The following XAB2 variants were observed in gnomAD, a reference collection of about 807,000 sequenced individuals.
XAB2 encodes the protein pre-mRNA-splicing factor SYF1.
Under a neutral mutation model 113.4 loss-of-function variants are expected in XAB2, and 57 were observed. The observed-to-expected ratio is 0.50, with a 90% CI of 0.41 to 0.63. The LOEUF (loss-of-function observed/expected upper bound fraction) is 0.63. XAB2 is among the 20% of genes least tolerant of loss of function. The probability of loss-of-function intolerance (pLI) is 0.00; values close to 1 mark genes in which losing one functional copy is unlikely to be tolerated. For missense variants in XAB2, 1,037 were observed against 1,233.3 expected (o/e 0.84, Z 2.38); for synonymous variants, 497 against 498.8 (o/e 1.00, Z 0.05).
chr19:7,622,830 C>T lies in XAB2; in HGVS notation c.1303G>A (p.Val435Met), dbSNP rs757943883. 49 of 1,613,950 alleles carry T rather than the reference C, an allele frequency of 3.0e-5. No individual in the cohort carries two copies. Among genetic ancestry groups the T allele is most frequent in the South Asian group, 8.8e-5 (8 of 91,076 alleles). ...NFKQVDDLASVWCQCGELELR... is the reference protein window; with the variant it reads ...NFKQVDDLASMWCQCGELELR... ...TCCAGCTCTCCGCACTGACACCACA[C>T]GCTTGCCAGGTCATCCACCTGCTTG... The change falls in exon 10 of 19, where the codon GTG becomes ATG. Residue 435 changes from valine (V) to methionine (M), a missense_variant. By Grantham distance (21) the Val-to-Met change is conservative. Coordinates refer to ENST00000358368, the MANE Select transcript of XAB2 (RefSeq NM_020196.3).
Position 7,622,355 on chromosome 19 carries a change from G to A in XAB2, c.1593C>T (p.His531=). The change falls in exon 12 of 19, where the codon CAC becomes CAT. Residue 531 remains histidine, a synonymous_variant. Transcript: ENST00000358368. ...CCTTGAAGCTCTCCTCGAAGTACTT[G>A]TGCTCCTCCAGGAACATGGCATAGT... is the stretch of plus-strand genomic sequence containing the variant. ...VINYAMFLEE[H]KYFEESFKAY... The A allele has an allele frequency of 6.2e-7, 1 of 1,614,178 alleles. No homozygotes were observed. Among genetic ancestry groups the A allele is most frequent in the Non-Finnish European group, 8.5e-7 (1 of 1,180,046 alleles).
In XAB2 at chr19:7,626,247, C is replaced by T. The variant is rs779724868; in HGVS notation, c.546G>A (p.Glu182=). Reference sequence around the variant, plus strand: ...CACTTGACTTGAGGTACTCAATGTACTCCTCTGCACTCTCAGGACTCAGCT... The same window carrying T: ...CACTTGACTTGAGGTACTCAATGTATTCCTCTGCACTCTCAGGACTCAGCT... The part of the protein sequence containing the change: ...FLKLSPESAE[E]YIEYLKSSDR... The change falls in exon 5 of 19, where the codon GAG becomes GAA. Residue 182 remains glutamate (E), a synonymous_variant. Transcript: ENST00000358368. The T allele has an allele frequency of 7.4e-6, 12 of 1,612,658 alleles. No homozygotes were observed. In the South Asian group the frequency reaches 1.2e-4, roughly 16 times the overall value.
Position 7,627,212 on chromosome 19 carries a change from C to T in XAB2, c.522+31G>A. On this transcript the variant is annotated intron_variant, in intron 4 of 18. Coordinates refer to ENST00000358368, the MANE Select transcript of XAB2 (RefSeq NM_020196.3). The surrounding 1 kb of genome is among the most constrained non-coding windows in gnomAD (Gnocchi z 4.5). ...CAGTGAGGCCGTTTCTGGAAACTAA[C>T]CTGGGGAACCAGCGCACCTGCTAGG... 1.2e-6 allele frequency: 2 copies of T among 1,606,388 alleles called. No homozygotes were observed. Among genetic ancestry groups the T allele is most frequent in the Admixed American group, 1.7e-5 (1 of 59,974 alleles).
At position 7,625,245 on chromosome 19, in the gene XAB2, C is replaced by T. The variant is rs1232484733; in HGVS notation, c.822+635G>A. Among the ~76,000 whole-genome samples, 1 of 152,224 alleles carries T rather than the reference C, an allele frequency of 6.6e-6. No individual in the cohort carries two copies. Among genetic ancestry groups the T allele is most frequent in the African/African-American group, 2.4e-5 (1 of 41,464 alleles). ...CCTCACACCACGTACCTCCTCAGTG[C>T]TGTGCCTGCGTCACTGAGCTGATTG... On this transcript the variant is annotated intron_variant, in intron 6 of 18. Coordinates refer to ENST00000358368, the MANE Select transcript of XAB2 (RefSeq NM_020196.3). The surrounding 1 kb of genome is among the most constrained non-coding windows in gnomAD (Gnocchi z 5.2).
chr19:7,621,554 T>G (rs1599370628), intron 12 of XAB2: 6 of 494,542 alleles, frequency 1.2e-5, no homozygotes, highest in Non-Finnish European at 1.1e-5. Context: ...ACATGATGGG[T>G]GAAGGTGGGT....
intron 17 of XAB2, 35 bp from the exon 18 acceptor site, chr19:7,619,891 C>T: frequency 6.2e-7 from 1 of 1,610,040 alleles, no homozygotes; most frequent in Non-Finnish European, 8.5e-7. Context: ...GTTCCCCACC[C>T]CGGGCCCCCT....
Position 7,620,969 on chromosome 19 carries a change from G to A in XAB2, c.1848C>T (p.Tyr616=), listed in dbSNP as rs776538165. Residue 616 remains tyrosine, a synonymous_variant, in exon 14 of 19, where the codon TAC becomes TAT. Transcript: ENST00000358368. The stretch of plus-strand genomic sequence containing the variant: ...GCTCCACGGCCCTGGTGGCACGCTC[G>A]TACACGGCCATGGCATGCCGGGCCA... ...WGLARHAMAV[Y]ERATRAVEPA... 2.9e-5 allele frequency: 45 copies of A among 1,578,124 alleles called. No individual in the cohort carries two copies. The highest frequency in any genetic ancestry group is 3.8e-5 in the Admixed American group (2 of 53,100).
Position 7,627,463 on chromosome 19 carries a change from C to T in XAB2, c.325-23G>A. 1 of 1,589,122 alleles carries T rather than the reference C, an allele frequency of 6.3e-7. No individual in the cohort carries two copies. The highest frequency in any genetic ancestry group is 8.6e-7 in the Non-Finnish European group (1 of 1,169,572). On this transcript the variant is annotated intron_variant, in intron 3 of 18. Coordinates refer to ENST00000358368, the MANE Select transcript of XAB2 (RefSeq NM_020196.3). This position sits in a 1 kb window ranked among gnomAD's most constrained non-coding sequence, Gnocchi z 4.5. ...CATCTGGGGGTGTGGGGAGAGGCGG[C>T]TGGGGCTAAGCCACGGACTCCATGG...
chr19:7,620,662 G>A lies in XAB2; in HGVS notation c.1979C>T (p.Ser660Leu), dbSNP rs747448382. The A allele has an allele frequency of 1.4e-5, 23 of 1,612,564 alleles. No individual in the cohort carries two copies. The highest frequency in any genetic ancestry group is 1.6e-4 in the Middle Eastern group (1 of 6,084). Reference sequence around the variant, plus strand: ...GCACATCTCACGCGCGTGCTCGTCCGACAGCACCTGGACACCGGGGTTGGG... The same window carrying A: ...GCACATCTCACGCGCGTGCTCGTCCAACAGCACCTGGACACCGGGGTTGGG... ...GIYQKAIEVL[S>L]DEHAREMCLR... The change falls in exon 15 of 19, where the codon TCG (serine) becomes TTG (leucine). Residue 660 changes from serine to leucine, a missense_variant. Coordinates refer to ENST00000358368, the MANE Select transcript of XAB2 (RefSeq NM_020196.3).
rs1055626344 is a variant in XAB2, at chr19:7,625,377, A to G, written c.822+503T>C. ...TGAACCCTGAACGCAAATGTGGCTG[A>G]CTCCAAGGCTGACGTGCCTGCGGGC... On this transcript the variant is annotated intron_variant, in intron 6 of 18. Coordinates refer to ENST00000358368, the MANE Select transcript of XAB2 (RefSeq NM_020196.3). The surrounding 1 kb of genome is among the most constrained non-coding windows in gnomAD (Gnocchi z 5.2). Among the ~76,000 whole-genome samples, 5 of 150,434 alleles carry G rather than the reference A, an allele frequency of 3.3e-5. No individual in the cohort carries two copies. Among genetic ancestry groups the G allele is most frequent in the African/African-American group, 1.2e-4 (5 of 40,606 alleles).
In XAB2 at chr19:7,621,646, G is replaced by A. The variant is rs559782717; in HGVS notation, c.1618-349C>T. ...CTGACAGAGGGGCAGGCAGTAGCAC[G>A]CGTATGCATGTACGACCTCCCCATT... On this transcript the variant is annotated intron_variant, in intron 12 of 18. Coordinates refer to ENST00000358368, the MANE Select transcript of XAB2 (RefSeq NM_020196.3). 4.0e-4 allele frequency: 130 copies of A among 328,322 alleles called. No homozygotes were observed. The South Asian group carries it at 6.0e-3, about 15-fold the overall frequency. The allele number at this position is 328,322 out of a possible 1,614,324, so 20.3% of individuals were successfully genotyped here.
intron 1 of XAB2, among the ~76,000 whole-genome samples, chr19:7,629,158 T>A (rs2031204954): frequency 6.6e-6 from 1 of 152,184 alleles, no homozygotes; most frequent in Admixed American, 6.5e-5. Context: ...GACACCGATC[T>A]TCACCTCTCA....
In XAB2 at chr19:7,620,577, G is replaced by A. The variant is rs761228150; in HGVS notation, c.2064C>T (p.Tyr688=). ...GGTCACAGATCTGGGAGCAGAAGCT[G>A]TAGATGGCCCGGGCGCGGTCAATCT... ...LGEIDRARAI[Y]SFCSQICDPR... is the part of the protein sequence containing the mutation. Residue 688 remains tyrosine (Y), a synonymous_variant, in exon 15 of 19, where the codon TAC becomes TAT. Coordinates refer to ENST00000358368, the MANE Select transcript of XAB2 (RefSeq NM_020196.3). 1.1e-5 allele frequency: 18 copies of A among 1,613,322 alleles called. No individual in the cohort carries two copies. In the African/African-American group the frequency reaches 1.5e-4, roughly 13 times the overall value.
intron 4 of XAB2, 44 bp from the exon 5 acceptor site, chr19:7,626,314 G>A (rs371625764): frequency 1.3e-6 from 2 of 1,589,082 alleles, no homozygotes; most frequent in Non-Finnish European, 1.7e-6. Context: ...GGGTGGCAGG[G>A]CTACGCCCAC....
chr19:7,627,697 T>G lies in XAB2; in HGVS notation c.324+31A>C. 6.2e-7 allele frequency: 1 copy of G among 1,611,664 alleles called. No homozygotes were observed. The highest frequency in any genetic ancestry group is 8.5e-7 in the Non-Finnish European group (1 of 1,178,598). On this transcript the variant is annotated intron_variant, in intron 3 of 18. Transcript: ENST00000358368. The surrounding 1 kb of genome is among the most constrained non-coding windows in gnomAD (Gnocchi z 4.5). Reference sequence around the variant, plus strand: ...CCACCACCATGGACTGAGCTCCACTTCCCGATTCATCCCCTCGCCGAGCCC... The same window carrying G: ...CCACCACCATGGACTGAGCTCCACTGCCCGATTCATCCCCTCGCCGAGCCC...
chr19:7,626,361 C>A (rs1599373648), intron 4 of XAB2, 91 bp from the exon 5 acceptor site: 1 of 1,536,110 alleles, frequency 6.5e-7, no homozygotes, highest in East Asian at 2.3e-5. Flanking sequence ...CCCCCCCCAC[C>A]CATTTATGAG....
In XAB2 at chr19:7,627,217, G is replaced by A. The variant is rs1048540662; in HGVS notation, c.522+26C>T. 1.9e-6 allele frequency: 3 copies of A among 1,607,394 alleles called. No individual in the cohort carries two copies. Among genetic ancestry groups the A allele is most frequent in the Non-Finnish European group, 2.5e-6 (3 of 1,179,134 alleles). On this transcript the variant is annotated intron_variant, in intron 4 of 18. Coordinates refer to ENST00000358368, the MANE Select transcript of XAB2 (RefSeq NM_020196.3). The surrounding 1 kb of genome is among the most constrained non-coding windows in gnomAD (Gnocchi z 4.5). ...AGGCCGTTTCTGGAAACTAACCTGG[G>A]GAACCAGCGCACCTGCTAGGCTCAC... is the stretch of plus-strand genomic sequence containing the variant.
chr19:7,620,472 G>C, intron 15 of XAB2, 26 bp from the exon 16 acceptor site: 1 of 1,608,300 alleles, frequency 6.2e-7, no homozygotes, highest in Non-Finnish European at 8.5e-7. Flanking sequence ...GGCAGGGGTG[G>C]GTGTGTGTGC....
Position 7,626,162 on chromosome 19 carries a change from AC to A in XAB2, c.630del (p.Ser211LeufsTer76). ...LATVVNDERF[V>X]SKAGKSNYQL... ...TGGTAGTTGGACTTGCCGGCCTTAGACACGAAACGCTCGTCGTTCACCACGG... is the reference window on the plus strand; with the variant it reads ...TGGTAGTTGGACTTGCCGGCCTTAGAACGAAACGCTCGTCGTTCACCACGG... On this transcript the variant is annotated frameshift_variant, in exon 5 of 19. Transcript: ENST00000358368. LOFTEE classifies it high-confidence loss of function. 1 of 1,613,638 alleles carries A rather than the reference AC, an allele frequency of 6.2e-7. No individual in the cohort carries two copies. The highest frequency in any genetic ancestry group is 8.5e-7 in the Non-Finnish European group (1 of 1,179,988).
Sources: gnomAD v4.1 joint callset for allele counts (sites outside exome capture counted in the v4.1 genomes callset) on GRCh38, gnomAD v4.1.1 for gene constraint, Gnocchi (gnomAD v3.1) non-coding constraint, MANE v1.5 for transcripts, NCBI Gene and HGNC (gene_info 2026-07-23, HGNC 2026-07-21) for gene names.